IPCEF1: variants seen among roughly 807,000 people sequenced by gnomAD.
The protein encoded by IPCEF1 is interaction protein for cytohesin exchange factors 1.
IPCEF1 carries 31 observed loss-of-function variants against 50.9 expected under a neutral mutation model. The ratio of observed to expected loss-of-function variants is 0.61; its 90% CI spans 0.46 to 0.82. IPCEF1 has a LOEUF of 0.82. Among genes scored for constraint, IPCEF1 ranks in the 40% least tolerant of loss-of-function variants. IPCEF1 has a pLI of 0.00. For missense variants in IPCEF1, 458 were observed against 514.0 expected (o/e 0.89, Z 1.05); for synonymous variants, 181 against 192.0 (o/e 0.94, Z 0.47).
intron 1 of IPCEF1, among the ~76,000 whole-genome samples, chr6:154,292,214 T>C (rs1782534063): frequency 6.6e-6 from 1 of 152,208 alleles, no homozygotes; most frequent in Non-Finnish European, 1.5e-5. Flanking sequence ...TGGATTTGAC[T>C]GACTGTTCCT....
intron 11 of IPCEF1, among the ~76,000 whole-genome samples, chr6:154,165,120 CCT>C (rs1799323327): frequency 6.6e-6 from 1 of 152,130 alleles, no homozygotes; most frequent in African/African-American, 2.4e-5. Flanking sequence ...ATAAACATTT[CCT>C]CTGTGTATGA....
At chr6:154,295,128 G>T (rs1562583124) in intron 1 of IPCEF1, among the ~76,000 whole-genome samples, 1 of 152,094 alleles carries the variant, frequency 6.6e-6, no homozygotes, top group Non-Finnish European at 1.5e-5. Flanking sequence ...AAACCAGGAG[G>T]CGGGGATTGC....
At chr6:154,221,700 C>T (rs1450659782) in intron 6 of IPCEF1, among the ~76,000 whole-genome samples, 1 of 151,860 alleles carries the variant, frequency 6.6e-6, no homozygotes, top group African/African-American at 2.4e-5. Flanking sequence ...GGTGAAACCC[C>T]GTCTCTACTA....
chr6:154,274,896 G>A (rs908083968), intron 2 of IPCEF1, among the ~76,000 whole-genome samples: 1 of 152,174 alleles, frequency 6.6e-6, no homozygotes, highest in Non-Finnish European at 1.5e-5. Flanking sequence ...TACAGAGTTG[G>A]GTTTGTTCTG....
chr6:154,333,307 C>T (rs888031094), intron 1 of IPCEF1, among the ~76,000 whole-genome samples: 6 of 151,794 alleles, frequency 4.0e-5, no homozygotes, highest in East Asian at 1.9e-4. Context: ...CTCTTAATCT[C>T]GGTGGGTACC....
chr6:154,353,141 G>C (rs1315752266), intron 1 of IPCEF1, among the ~76,000 whole-genome samples: 2 of 152,106 alleles, frequency 1.3e-5, no homozygotes, highest in Non-Finnish European at 2.9e-5. Flanking sequence ...TCCCTACAAA[G>C]ACTAAATAAC....
intron 2 of IPCEF1, among the ~76,000 whole-genome samples, chr6:154,282,204 GT>G (rs987953797): frequency 6.6e-6 from 1 of 152,044 alleles, no homozygotes; most frequent in Non-Finnish European, 1.5e-5. Context: ...AAAATAAATG[GT>G]TTTGCAGGGT....
intron 3 of IPCEF1, among the ~76,000 whole-genome samples, chr6:154,251,369 AC>A (rs1199691883): frequency 6.6e-6 from 1 of 152,174 alleles, no homozygotes; most frequent in Non-Finnish European, 1.5e-5. Flanking sequence ...GGACAACATA[AC>A]AAGATCCCAT....
At chr6:154,352,388 TTC>T (rs1450480330) in intron 1 of IPCEF1, among the ~76,000 whole-genome samples, 1 of 152,240 alleles carries the variant, frequency 6.6e-6, no homozygotes, top group East Asian at 1.9e-4. Context: ...CTTCAATTAA[TTC>T]TTTCATTTCT....
chr6:154,269,889 A>G (rs181717826), intron 2 of IPCEF1, among the ~76,000 whole-genome samples: 83 of 152,354 alleles, frequency 5.4e-4, no homozygotes, highest in Non-Finnish European at 6.2e-4. Context: ...CCAGAAACAC[A>G]TGGTGTCCAT....
intron 5 of IPCEF1, among the ~76,000 whole-genome samples, chr6:154,240,431 T>C (rs1261339623): frequency 1.3e-5 from 2 of 152,166 alleles, no homozygotes; most frequent in African/African-American, 4.8e-5. Flanking sequence ...TTCCAAAATG[T>C]ATGCTAATCT....
At chr6:154,332,331 G>A (rs949078016) in intron 1 of IPCEF1, among the ~76,000 whole-genome samples, 1 of 147,050 alleles carries the variant, frequency 6.8e-6, no homozygotes, top group Non-Finnish European at 1.5e-5. Context: ...ATAGGGTCAT[G>A]CTATGTTGCC....
At chr6:154,235,762 T>TGGCCA (rs1780082834) in intron 5 of IPCEF1, among the ~76,000 whole-genome samples, 1 of 152,112 alleles carries the variant, frequency 6.6e-6, no homozygotes, top group Non-Finnish European at 1.5e-5. Context: ...CCCAAGAAGA[T>TGGCCA]ATGGAAATGG....
At chr6:154,210,046 T>A (rs1458610431) in intron 9 of IPCEF1, among the ~76,000 whole-genome samples, 1 of 152,224 alleles carries the variant, frequency 6.6e-6, no homozygotes, top group Non-Finnish European at 1.5e-5. Context: ...AAGTATTCCC[T>A]GAACTTCTAT....
intron 1 of IPCEF1, among the ~76,000 whole-genome samples, chr6:154,339,498 C>T (rs575369960): frequency 6.6e-5 from 10 of 151,316 alleles, no homozygotes; most frequent in African/African-American, 2.2e-4. Flanking sequence ...TGGCCTCAAA[C>T]TCCAGGCCTC....
At chr6:154,283,139 C>CA (rs1782265688) in intron 2 of IPCEF1, among the ~76,000 whole-genome samples, 1 of 151,022 alleles carries the variant, frequency 6.6e-6, no homozygotes, top group Non-Finnish European at 1.5e-5. Flanking sequence ...ACTAAAACTA[C>CA]AAAAAAATTA....
chr6:154,248,009 GAA>G (rs1286553724), intron 3 of IPCEF1, among the ~76,000 whole-genome samples: 1 of 152,102 alleles, frequency 6.6e-6, no homozygotes, highest in African/African-American at 2.4e-5. Flanking sequence ...AAATATCCCA[GAA>G]AATGAAATTC....
At chr6:154,263,239 T>TTTC (rs1001207189) in intron 3 of IPCEF1, among the ~76,000 whole-genome samples, 2 of 151,436 alleles carry the variant, frequency 1.3e-5, no homozygotes, top group Non-Finnish European at 2.9e-5. Flanking sequence ...TCTTTTTTTT[T>TTTC]TAAATTTATT....
chr6:154,168,777 T>C lies in IPCEF1; in HGVS notation c.911-664A>G, dbSNP rs1799638420. 6.6e-6 allele frequency among the ~76,000 whole-genome samples: 1 copy of C among 151,878 alleles called. No homozygotes were observed. The highest frequency in any genetic ancestry group is 6.6e-5 in the Admixed American group (1 of 15,250). ...CCTGCCACCATGCCCGGCTCATTTT[T>C]ATATTTTTAGTACAGACAGGGTTTC... On this transcript the variant is annotated intron_variant, in intron 10 of 11. Transcript: ENST00000367220. The surrounding 1 kb of genome is among the most constrained non-coding windows in gnomAD (Gnocchi z 4.1).
Sources: gnomAD v4.1 joint callset for allele counts (sites outside exome capture counted in the v4.1 genomes callset) on GRCh38, gnomAD v4.1.1 for gene constraint, Gnocchi (gnomAD v3.1) non-coding constraint, MANE v1.5 for transcripts, NCBI Gene and HGNC (gene_info 2026-07-23, HGNC 2026-07-21) for gene names.